Variants in FBXL13 observed in about 807,000 individuals in gnomAD.
FBXL13 encodes the protein F-box and leucine rich repeat protein 13.
A neutral mutation model predicts 83.6 loss-of-function variants in FBXL13; 67 were observed. The ratio of observed to expected loss-of-function variants is 0.80; its 90% CI spans 0.66 to 0.98. FBXL13 has a LOEUF of 0.98. Among genes scored for constraint, FBXL13 ranks in the 50% least tolerant of loss-of-function variants. FBXL13 has a pLI of 0.00. For missense variants in FBXL13, 822 were observed against 866.5 expected (o/e 0.95, Z 0.64); for synonymous variants, 272 against 299.5 (o/e 0.91, Z 0.95).
At position 103,064,298 on chromosome 7, in the gene FBXL13, G is replaced by C. The variant is rs115314805; in HGVS notation, c.-104-8551C>G. On this transcript the variant is annotated intron_variant, in intron 1 of 19. Transcript: ENST00000313221. ...TGCACCGGTTGTTGCAAGCCAGTTG[G>C]GGTCCAACCCCAGAGATGGGGATAG... is the stretch of plus-strand genomic sequence containing the variant. Among the ~76,000 whole-genome samples the C allele has an allele frequency of 5.0e-3, 758 of 152,306 alleles. 7 individuals are homozygous for C. The highest frequency in any genetic ancestry group is 0.017 in the African/African-American group (723 of 41,546).
intron 3 of FBXL13, 151 bp from the exon 5 acceptor site, chr7:103,028,899 G>T: frequency 1.9e-6 from 1 of 518,746 alleles, no homozygotes; most frequent in Non-Finnish European, 3.1e-6. Flanking sequence ...GGTATGACCT[G>T]AAGAATTCCT....
chr7:103,011,495 C>T (rs780277958), intron 6 of FBXL13, among the ~76,000 whole-genome samples: 2 of 151,960 alleles, frequency 1.3e-5, no homozygotes, highest in Non-Finnish European at 2.9e-5. Flanking sequence ...AAAAATTAGC[C>T]AGGTGTGGTG....
chr7:102,999,655 T>C (rs77437378), intron 6 of FBXL13, among the ~76,000 whole-genome samples: 184 of 152,330 alleles, frequency 1.2e-3, no homozygotes, highest in African/African-American at 4.3e-3. Flanking sequence ...GCTTCATGTA[T>C]CTAGGAATGT....
chr7:102,910,251 A>T (rs1295528576), intron 11 of FBXL13, among the ~76,000 whole-genome samples: 2 of 152,130 alleles, frequency 1.3e-5, no homozygotes, highest in East Asian at 3.9e-4. Context: ...ACCATGTTGG[A>T]GGGGTGGCAC....
At chr7:102,862,921 CT>C (rs2129453355) in intron 16 of FBXL13, among the ~76,000 whole-genome samples, 1 of 152,226 alleles carries the variant, frequency 6.6e-6, no homozygotes, top group East Asian at 1.9e-4. Flanking sequence ...TTGACCTTCT[CT>C]TCTCTTTGTG....
chr7:102,942,283 A>G, intron 8 of FBXL13: 3 of 1,597,520 alleles, frequency 1.9e-6, no homozygotes, highest in Non-Finnish European at 1.7e-6. Context: ...GGTCTCCTAT[A>G]TTTCAGGGTC....
At chr7:102,868,608 G>A (rs1262516007) in intron 16 of FBXL13, among the ~76,000 whole-genome samples, 2 of 152,132 alleles carry the variant, frequency 1.3e-5, no homozygotes, top group African/African-American at 2.4e-5. Context: ...CAGTGCACAC[G>A]GGAGTACAGA....
At chr7:102,894,600 C>T (rs144561815) in intron 11 of FBXL13, among the ~76,000 whole-genome samples, 9 of 151,620 alleles carry the variant, frequency 5.9e-5, no homozygotes, top group African/African-American at 1.7e-4. Context: ...TGGTAGCATG[C>T]GCCTGTAATG....
chr7:102,900,754 C>A (rs79461410), intron 11 of FBXL13, among the ~76,000 whole-genome samples: 3,704 of 152,262 alleles, frequency 0.024, 148 homozygotes, highest in East Asian at 0.16. Context: ...CAATTTCAAA[C>A]TCCACAATTT....
At chr7:103,016,684 C>T (rs145561774) in intron 6 of FBXL13, among the ~76,000 whole-genome samples, 7,315 of 152,228 alleles carry the variant, frequency 0.048, 270 homozygotes, top group East Asian at 0.22. Context: ...TTATATCCCG[C>T]GCCTGGCTCG....
rs950879716 is a variant in FBXL13, at chr7:102,959,685, T to C, written c.724+3848A>G. On this transcript the variant is annotated intron_variant, in intron 8 of 19. Transcript: ENST00000313221. ...TTTATTTCATTTCCAGAAATACTTA[T>C]ATGATAGATAGAAAACGCATCTCAA... Among the ~76,000 whole-genome samples the C allele has an allele frequency of 2.8e-4, 43 of 152,084 alleles. 1 individual carries two copies. The highest frequency in any genetic ancestry group is 7.4e-5 in the Non-Finnish European group (5 of 67,990).
chr7:103,066,174 A>G (rs1332360877), intron 1 of FBXL13, among the ~76,000 whole-genome samples: 3 of 152,214 alleles, frequency 2.0e-5, no homozygotes, highest in African/African-American at 4.8e-5. Context: ...TTTTATGGGG[A>G]AAAAAATTTT....
Position 102,854,587 on chromosome 7 carries a change from G to A in FBXL13, c.1719+190C>T, listed in dbSNP as rs867116035. 5.3e-5 allele frequency among the ~76,000 whole-genome samples: 8 copies of A among 151,872 alleles called. No homozygotes were observed. The South Asian group carries it at 6.2e-4, about 12-fold the overall frequency. ...ATGTTATAACAATATCATTAATTTTGTTGTTTTTAAGCTTTATTTGTACTT... is the reference window on the plus strand; with the variant it reads ...ATGTTATAACAATATCATTAATTTTATTGTTTTTAAGCTTTATTTGTACTT... On this transcript the variant is annotated intron_variant, in intron 17 of 19. Coordinates refer to ENST00000313221, the Ensembl canonical transcript of FBXL13.
At chr7:102,931,272 G>A (rs1020431519) in intron 9 of FBXL13, among the ~76,000 whole-genome samples, 13 of 152,238 alleles carry the variant, frequency 8.5e-5, no homozygotes, top group Non-Finnish European at 1.8e-4. Flanking sequence ...TGAAACAAGT[G>A]AGGCTGGAAA....
intron 7 of FBXL13, 67 bp downstream of exon 8, chr7:102,967,955 G>T: frequency 8.3e-7 from 1 of 1,202,428 alleles, no homozygotes. Flanking sequence ...ACAACAGCTG[G>T]CTTCACAGCA....
At chr7:102,881,133 G>C (rs1809997051) in intron 14 of FBXL13, among the ~76,000 whole-genome samples, 1 of 152,080 alleles carries the variant, frequency 6.6e-6, no homozygotes, top group Non-Finnish European at 1.5e-5. Flanking sequence ...TCTACTTCTG[G>C]AGGCAGAAAA....
chr7:103,072,628 C>T (rs1247129326), intron 1 of FBXL13, among the ~76,000 whole-genome samples: 1 of 152,178 alleles, frequency 6.6e-6, no homozygotes, highest in African/African-American at 2.4e-5. Flanking sequence ...ACCGCCATAT[C>T]ACAGACTGAG....
intron 1 of FBXL13, among the ~76,000 whole-genome samples, chr7:103,060,024 A>ATATATATATATG (rs1221260455): frequency 2.9e-5 from 2 of 69,484 alleles, no homozygotes; most frequent in Non-Finnish European, 2.7e-5. Flanking sequence ...GATATTTTAT[A>ATATATATATATG]TATATATATA....
intron 6 of FBXL13, among the ~76,000 whole-genome samples, chr7:103,002,421 T>C (rs1790497846): frequency 2.0e-5 from 3 of 152,236 alleles, no homozygotes; most frequent in Non-Finnish European, 1.5e-5. Context: ...TTAGGCTTCA[T>C]ACTAGAGATG....
Sources: gnomAD v4.1 joint callset for allele counts (sites outside exome capture counted in the v4.1 genomes callset) on GRCh38, gnomAD v4.1.1 for gene constraint, MANE v1.5 for transcripts, NCBI Gene and HGNC (gene_info 2026-07-23, HGNC 2026-07-21) for gene names.